Variants in SLC36A1 observed in about 807,000 individuals in gnomAD.
The protein encoded by SLC36A1 is proton-coupled amino acid transporter 1.
A neutral mutation model predicts 47.5 loss-of-function variants in SLC36A1; 30 were observed. The ratio of observed to expected loss-of-function variants is 0.63; its 90% CI spans 0.47 to 0.86. The LOEUF (loss-of-function observed/expected upper bound fraction) is 0.86, where lower values mean the gene tolerates loss of function less well. SLC36A1 is among the 40% of genes least tolerant of loss of function. SLC36A1 has a pLI of 0.00. For synonymous variants in SLC36A1, 255 were observed against 249.7 expected (o/e 1.02, Z -0.20); for missense variants, 517 against 606.0 (o/e 0.85, Z 1.54).
chr5:151,465,712 T>C (rs968583157), intron 5 of SLC36A1, among the ~76,000 whole-genome samples: 3 of 152,238 alleles, frequency 2.0e-5, no homozygotes, highest in Admixed American at 6.5e-5. Flanking sequence ...AGAGGAACTT[T>C]AAAGATTCTC....
the SLC36A1 span, among the ~76,000 whole-genome samples, chr5:151,402,763 G>A: frequency 0.14 from 21,300 of 152,000 alleles, 2,007 homozygotes; most frequent in East Asian, 0.37. Flanking sequence ...GAATTTATCA[G>A]TTTCCTCTAG....
intron 10 of SLC36A1, among the ~76,000 whole-genome samples, chr5:151,482,680 T>C (rs1053361030): frequency 1.3e-5 from 2 of 152,236 alleles, no homozygotes; most frequent in Non-Finnish European, 2.9e-5. Context: ...GGTATTCCAC[T>C]GTATTGGTGG....
the SLC36A1 span, chr5:151,544,267 G>A: frequency 1.9e-6 from 3 of 1,614,226 alleles, no homozygotes; most frequent in Non-Finnish European, 2.5e-6. Flanking sequence ...AGGGGTCTGA[G>A]CAGGCAAGCC....
At chr5:151,356,356 AAAAAG>A in the SLC36A1 span, among the ~76,000 whole-genome samples, 1 of 149,224 alleles carries the variant, frequency 6.7e-6, no homozygotes, top group Admixed American at 6.6e-5. Context: ...AAAAAAAAAA[AAAAAG>A]AATACACGAA....
chr5:151,454,992 C>T (rs1754279545), intron 1 of SLC36A1, among the ~76,000 whole-genome samples: 1 of 152,168 alleles, frequency 6.6e-6, no homozygotes, highest in African/African-American at 2.4e-5. Context: ...TGGTTTCCTA[C>T]CCCTCTTGAT....
the SLC36A1 span, among the ~76,000 whole-genome samples, chr5:151,360,791 C>T: frequency 6.6e-6 from 1 of 152,300 alleles, no homozygotes; most frequent in Non-Finnish European, 1.5e-5. Flanking sequence ...AGTTTTCTGA[C>T]ACTGCTGCTG....
At chr5:151,420,863 T>A in the SLC36A1 span, among the ~76,000 whole-genome samples, 1 of 147,214 alleles carries the variant, frequency 6.8e-6, no homozygotes, top group Non-Finnish European at 1.5e-5. Context: ...TTCCTTTCTT[T>A]CTTTCTCTTT....
chr5:151,543,751 C>G, the SLC36A1 span: 3 of 1,614,168 alleles, frequency 1.9e-6, no homozygotes, highest in Non-Finnish European at 2.5e-6. Context: ...TCGGAAGACT[C>G]CATCAGAAGC....
At chr5:151,492,499 CAGTAGACCCATCCATGGAATTA>C (rs1760203867), downstream of SLC36A1, 1 of 151,108 alleles carries the variant, frequency 6.6e-6, no homozygotes, top group South Asian at 2.1e-4. Flanking sequence ...GTGGCACAAG[CAGTAGACCCATCCATGGAATTA>C]AGAGTCGCCC....
intron 9 of SLC36A1, among the ~76,000 whole-genome samples, chr5:151,477,899 C>T (rs771015472): frequency 6.6e-6 from 1 of 152,182 alleles, no homozygotes; most frequent in South Asian, 2.1e-4. Context: ...TTTCCTAACA[C>T]CCCAAACCCA....
At chr5:151,374,070 C>T in the SLC36A1 span, among the ~76,000 whole-genome samples, 2 of 152,282 alleles carry the variant, frequency 1.3e-5, no homozygotes, top group South Asian at 4.1e-4. Context: ...AGGTGCAAGG[C>T]CCTTGCACCA....
the SLC36A1 span, among the ~76,000 whole-genome samples, chr5:151,531,398 C>T: frequency 6.6e-6 from 1 of 152,086 alleles, no homozygotes; most frequent in Non-Finnish European, 1.5e-5. This position sits in a 1 kb window ranked among gnomAD's most constrained non-coding sequence, Gnocchi z 5.7. Flanking sequence ...GAGGCTCCCA[C>T]ATAAGCTGGC....
At chr5:151,418,343 G>A in the SLC36A1 span, among the ~76,000 whole-genome samples, 3 of 152,204 alleles carry the variant, frequency 2.0e-5, no homozygotes, top group African/African-American at 7.2e-5. Flanking sequence ...AACTTGCACT[G>A]TGCACCTGGA....
At chr5:151,371,257 G>A in the SLC36A1 span, among the ~76,000 whole-genome samples, 3 of 152,060 alleles carry the variant, frequency 2.0e-5, no homozygotes, top group African/African-American at 7.2e-5. Context: ...ATCATTTCTT[G>A]TATTTGTATA....
At chr5:151,531,920 A>C in the SLC36A1 span, 1 of 1,614,210 alleles carries the variant, frequency 6.2e-7, no homozygotes, top group Non-Finnish European at 8.5e-7. The surrounding 1 kb of genome is among the most constrained non-coding windows in gnomAD (Gnocchi z 5.7). Context: ...TCGATGGAAA[A>C]GTGGCCTTCG....
the SLC36A1 span, among the ~76,000 whole-genome samples, chr5:151,357,439 C>T: frequency 6.6e-6 from 1 of 152,176 alleles, no homozygotes; most frequent in Non-Finnish European, 1.5e-5. Context: ...ATTTTGTGGA[C>T]TTTTACTTCC....
At chr5:151,510,301 G>T in the SLC36A1 span, 3 of 1,125,912 alleles carry the variant, frequency 2.7e-6, no homozygotes. Context: ...GCTCCCCTCT[G>T]TGCCCAATAC....
At chr5:151,505,317 G>T in the SLC36A1 span, 1 of 554,062 alleles carries the variant, frequency 1.8e-6, no homozygotes, top group Non-Finnish European at 3.1e-6. Context: ...GGTTTTCCAG[G>T]GTCACTGCTC....
At chr5:151,541,491 G>C in the SLC36A1 span, among the ~76,000 whole-genome samples, 11 of 152,160 alleles carry the variant, frequency 7.2e-5, no homozygotes, top group Non-Finnish European at 1.0e-4. Flanking sequence ...GTGGTTCTTG[G>C]TTGGAATTTC....
Sources: allele counts gnomAD v4.1 joint callset (sites outside exome capture counted in the v4.1 genomes callset), GRCh38; gene constraint gnomAD v4.1.1; non-coding constraint Gnocchi (gnomAD v3.1); transcripts MANE v1.5; gene names NCBI Gene and HGNC (gene_info 2026-07-23, HGNC 2026-07-21).